Variants in LYST observed in about 807,000 individuals in gnomAD.
The protein encoded by LYST is lysosomal-trafficking regulator.
A neutral mutation model predicts 413.6 loss-of-function variants in LYST; 192 were observed. That is an observed-to-expected ratio of 0.46 (90% CI 0.41 to 0.52). The LOEUF is 0.52. LYST is among the 20% of genes least tolerant of loss of function. The probability of loss-of-function intolerance (pLI) is 0.00; values close to 1 mark genes in which losing one functional copy is unlikely to be tolerated. For missense variants in LYST, 3,815 were observed against 4,499.9 expected (o/e 0.85, Z 4.35); for synonymous variants, 1,525 against 1,567.3 (o/e 0.97, Z 0.64).
At chr1:235,778,122 T>TATATATATATATATATA (rs1558230944) in intron 16 of LYST, among the ~76,000 whole-genome samples, 6 of 144,804 alleles carry the variant, frequency 4.1e-5, no homozygotes, top group African/African-American at 1.3e-4. Flanking sequence ...TATATATATA[T>TATATATATATATATATA]TTTTGTAGAG....
At chr1:235,815,929 G>A (rs891132647) in intron 3 of LYST, among the ~76,000 whole-genome samples, 3 of 151,638 alleles carry the variant, frequency 2.0e-5, no homozygotes, top group African/African-American at 4.8e-5. Flanking sequence ...TCAAGAGATC[G>A]AGACCATCCC....
chr1:235,837,495 T>G (rs1210554215), intron 1 of LYST, among the ~76,000 whole-genome samples: 1 of 151,704 alleles, frequency 6.6e-6, no homozygotes, highest in Non-Finnish European at 1.5e-5. Context: ...GGCATGGTGG[T>G]GCACACCTGT....
intron 12 of LYST, 148 bp from the exon 13 acceptor site, chr1:235,788,993 A>G (rs1456401997): frequency 1.4e-6 from 1 of 738,826 alleles, no homozygotes; most frequent in Non-Finnish European, 2.4e-6. Context: ...CTAAACAACC[A>G]TATTTTCAGA....
At chr1:235,882,636 C>T (rs1298058513) in intron 1 of LYST, among the ~76,000 whole-genome samples, 2 of 152,030 alleles carry the variant, frequency 1.3e-5, no homozygotes, top group African/African-American at 4.8e-5. Context: ...TAGGAACCTA[C>T]AAGAGGTGGT....
At chr1:235,747,085 G>T in intron 28 of LYST, 1 of 276,342 alleles carries the variant, frequency 3.6e-6, no homozygotes, top group Non-Finnish European at 7.3e-6. Flanking sequence ...GCATCATTTG[G>T]AATTCAATGC....
At position 235,770,286 on chromosome 1, in the gene LYST, C is replaced by A. The variant is rs1469630821; in HGVS notation, c.5796G>T (p.Trp1932Cys). 6.2e-7 allele frequency: 1 copy of A among 1,613,660 alleles called. No homozygotes were observed. Among genetic ancestry groups the A allele is most frequent in the South Asian group, 1.1e-5 (1 of 91,078 alleles). The change falls in exon 20 of 53, where the codon TGG becomes TGT. Residue 1932 changes from tryptophan (W) to cysteine (C), a missense_variant. Physicochemically the swap from Trp to Cys is radical, Grantham distance 215 (BLOSUM62 -2). Transcript: ENST00000389793. ...CTTCTAGAGCTGCTAGCAAAGTTTC[C>A]CAAACACCTTGCTGAAGAGATAAAC... The part of the protein sequence containing the change: ...KIWSKAEQGV[W>C]ETLLAALEVL...
intron 41 of LYST, 74 bp downstream of exon 41, chr1:235,716,638 T>TTGTACC: frequency 2.2e-6 from 2 of 912,616 alleles, no homozygotes; most frequent in Non-Finnish European, 3.6e-6. Context: ...AAATTTAAAA[T>TTGTACC]TAGGTAAAAC....
chr1:235,866,202 C>A (rs1680485639), intron 1 of LYST, among the ~76,000 whole-genome samples: 1 of 152,174 alleles, frequency 6.6e-6, no homozygotes, highest in South Asian at 2.1e-4. Context: ...GCATCTCAGT[C>A]AGGCTCCAGT....
rs74591349 is a variant in LYST at position 235,727,550 on chromosome 1, T to C, written c.9162+526A>G. Among the ~76,000 whole-genome samples the C allele has an allele frequency of 3.8e-3, 573 of 152,274 alleles. 7 individuals are homozygous for C. The highest frequency in any genetic ancestry group is 4.9e-3 in the Non-Finnish European group (336 of 68,010). On this transcript the variant is annotated intron_variant, in intron 38 of 52. Coordinates refer to ENST00000389793, the MANE Select transcript of LYST (RefSeq NM_000081.4). The stretch of plus-strand genomic sequence containing the variant: ...AAGCTTATTTCTCCTATTACAGGAA[T>C]CTCAAAAAATATTTTAATGGCATAA...
chr1:235,839,962 C>T (rs2103041450), intron 1 of LYST: 1 of 152,258 alleles, frequency 6.6e-6, no homozygotes, highest in Admixed American at 6.5e-5. Context: ...CACCTTGTAA[C>T]CACTTTCCCT....
intron 1 of LYST, among the ~76,000 whole-genome samples, chr1:235,881,173 A>G (rs1681359060): frequency 6.6e-6 from 1 of 152,220 alleles, no homozygotes; most frequent in Non-Finnish European, 1.5e-5. Context: ...TTATCTTAAA[A>G]GAATTTTCTC....
upstream of LYST, among the ~76,000 whole-genome samples, chr1:235,871,879 A>C (rs1475229715): frequency 6.6e-6 from 1 of 152,244 alleles, no homozygotes; most frequent in Non-Finnish European, 1.5e-5. Flanking sequence ...CCTTGCATTA[A>C]AAGATTTCTA....
upstream of LYST, among the ~76,000 whole-genome samples, chr1:235,870,035 T>C (rs2103224623): frequency 1.3e-5 from 2 of 152,274 alleles, no homozygotes; most frequent in South Asian, 4.1e-4. Flanking sequence ...CCCTTAATAC[T>C]GCCCTTAAAC....
exon 1 of LYST, chr1:235,883,260 G>C (rs1558378240): frequency 6.6e-6 from 1 of 152,304 alleles, no homozygotes; most frequent in Admixed American, 6.5e-5. Context: ...GTCTTCCCAG[G>C]TAGCTGCAAC....
chr1:235,758,723 AACC>A (rs1303786397), intron 23 of LYST, among the ~76,000 whole-genome samples: 1 of 152,210 alleles, frequency 6.6e-6, no homozygotes, highest in Non-Finnish European at 1.5e-5. Context: ...TAAGGAATTA[AACC>A]ACAATATATA....
At chr1:235,861,582 T>C (rs1054881038) in intron 1 of LYST, among the ~76,000 whole-genome samples, 1 of 152,222 alleles carries the variant, frequency 6.6e-6, no homozygotes, top group African/African-American at 2.4e-5. Flanking sequence ...AAATCCATTT[T>C]AAAAAATTAG....
chr1:235,870,057 G>T (rs148159075), upstream of LYST, among the ~76,000 whole-genome samples: 22 of 152,086 alleles, frequency 1.4e-4, 1 homozygote, highest in East Asian at 4.2e-3. Flanking sequence ...AGGCAAGAGG[G>T]GCCTCTGCCC....
Position 235,734,748 on chromosome 1 carries a change from T to C in LYST, c.8359-89A>G. 5.9e-6 allele frequency: 5 copies of C among 847,802 alleles called. No individual in the cohort carries two copies. The South Asian group carries it at 8.6e-5, about 15-fold the overall frequency. The allele number at this position is 847,802 out of a possible 1,614,324, so 52.5% of individuals were successfully genotyped here. On this transcript the variant is annotated intron_variant, in intron 31 of 52. Transcript: ENST00000389793. ...GTAGTAATTAAATTATATTGCTAGA[T>C]TTATTTGGTTGCATCTGATTTAAAT...
rs770002477 is a variant in LYST, at chr1:235,777,111, A to G, written c.5412T>C (p.Ile1804=). The change falls in exon 17 of 53, where the codon ATT becomes ATC. Residue 1804 remains isoleucine (I), a synonymous_variant. Transcript: ENST00000389793. The stretch of plus-strand genomic sequence containing the variant: ...TGCCAGTTCCACCAATTTCGTGCAG[A>G]ATGCCTTGAATAGTTTTATATTCAG... ...QPTEYKTIQG[I]LHEIGGTGIF... The G allele has an allele frequency of 1.2e-6, 2 of 1,613,480 alleles. No homozygotes were observed. The highest frequency in any genetic ancestry group is 2.2e-5 in the East Asian group (1 of 44,784).
Sources: gnomAD v4.1 joint callset for allele counts (sites outside exome capture counted in the v4.1 genomes callset) on GRCh38, gnomAD v4.1.1 for gene constraint, MANE v1.5 for transcripts, NCBI Gene and HGNC (gene_info 2026-07-23, HGNC 2026-07-21) for gene names.